Variants in DGKB observed in about 807,000 individuals in gnomAD.
DGKB encodes the protein diacylglycerol kinase beta.
Under a neutral mutation model 114.3 loss-of-function variants are expected in DGKB, and 67 were observed. The ratio of observed to expected loss-of-function variants is 0.59; its 90% CI spans 0.48 to 0.72. DGKB has a LOEUF of 0.72. Among genes scored for constraint, DGKB ranks in the 30% least tolerant of loss-of-function variants. The probability of loss-of-function intolerance (pLI) is 0.00; values close to 1 mark genes in which losing one functional copy is unlikely to be tolerated. For missense variants in DGKB, 907 were observed against 975.2 expected (o/e 0.93, Z 0.93); for synonymous variants, 398 against 323.1 (o/e 1.23, Z -2.49).
At chr7:14,809,590 A>G (rs911688825) in intron 2 of DGKB, among the ~76,000 whole-genome samples, 2 of 152,160 alleles carry the variant, frequency 1.3e-5, no homozygotes, top group African/African-American at 4.8e-5. Context: ...TTATGAGTAA[A>G]GAACGCATAA....
intron 20 of DGKB, among the ~76,000 whole-genome samples, chr7:14,529,191 A>G (rs1791143984): frequency 2.0e-5 from 3 of 152,022 alleles, no homozygotes; most frequent in Non-Finnish European, 1.5e-5. Flanking sequence ...AGGAGATAAT[A>G]AAGAAGTTTC....
intron 20 of DGKB, among the ~76,000 whole-genome samples, chr7:14,559,913 T>C (rs1796403775): frequency 6.6e-6 from 1 of 151,858 alleles, no homozygotes; most frequent in Admixed American, 6.6e-5. Flanking sequence ...TTCTTTTGTT[T>C]CTCCTTCCTT....
intron 1 of DGKB, among the ~76,000 whole-genome samples, chr7:14,925,968 G>T (rs1054380312): frequency 4.6e-5 from 7 of 152,066 alleles, no homozygotes; most frequent in African/African-American, 1.7e-4. Flanking sequence ...AGAGAGAACA[G>T]AAATCCTTGC....
chr7:14,966,896 A>C (rs2115292224), intron 1 of DGKB, among the ~76,000 whole-genome samples: 1 of 152,330 alleles, frequency 6.6e-6, no homozygotes, highest in Non-Finnish European at 1.5e-5. Flanking sequence ...AAATAAAAAT[A>C]AAATAATGCA....
At chr7:14,906,633 A>G (rs1045037352), upstream of DGKB, among the ~76,000 whole-genome samples, 1 of 151,812 alleles carries the variant, frequency 6.6e-6, no homozygotes, top group African/African-American at 2.4e-5. Context: ...TTTGTATTTT[A>G]GTGGAGACAG....
intron 16 of DGKB, among the ~76,000 whole-genome samples, chr7:14,608,563 T>G (rs569874277): frequency 6.6e-6 from 1 of 151,964 alleles, no homozygotes; most frequent in Non-Finnish European, 1.5e-5. Context: ...CTATTCAACA[T>G]AGTTCTGGAA....
chr7:14,943,432 A>G (rs1301484874), intron 1 of DGKB, among the ~76,000 whole-genome samples: 1 of 151,980 alleles, frequency 6.6e-6, no homozygotes, highest in African/African-American at 2.4e-5. Context: ...TTGAATAGAC[A>G]CATTTTGTGT....
At position 14,350,599 on chromosome 7, in the gene DGKB, A is replaced by G. The variant is rs544385251; in HGVS notation, c.1836-5208T>C. Reference sequence around the variant, plus strand: ...CTTAGTGAAACTACTCTGAGAGGTCATATTTTTATTTTACAGGTGCATTTG... The same window carrying G: ...CTTAGTGAAACTACTCTGAGAGGTCGTATTTTTATTTTACAGGTGCATTTG... On this transcript the variant is annotated intron_variant, in intron 21 of 25. Coordinates refer to ENST00000402815, the MANE Select transcript of DGKB (RefSeq NM_001350709.2). Among the ~76,000 whole-genome samples the G allele has an allele frequency of 5.6e-4, 85 of 151,956 alleles. 1 individual carries two copies. The highest frequency in any genetic ancestry group is 9.0e-4 in the Non-Finnish European group (61 of 67,960).
Position 14,152,547 on chromosome 7 carries a change from G to C in DGKB, c.2305-3309C>G, listed in dbSNP as rs1358369835. 2.6e-5 allele frequency among the ~76,000 whole-genome samples: 4 copies of C among 151,970 alleles called. 2 individuals carry two copies. The highest frequency in any genetic ancestry group is 2.6e-4 in the Admixed American group (4 of 15,224). On this transcript the variant is annotated intron_variant, in intron 25 of 25. Coordinates refer to ENST00000402815, the MANE Select transcript of DGKB (RefSeq NM_001350709.2). ...CTTCTCCTTATCATGTACCCTTCTA[G>C]AAAAGCAACAGTGGCAGAGAAAGGT...
intron 2 of DGKB, among the ~76,000 whole-genome samples, chr7:14,790,199 T>G (rs1840470427): frequency 6.6e-6 from 1 of 152,196 alleles, no homozygotes; most frequent in Non-Finnish European, 1.5e-5. Context: ...GCTAGTCCTG[T>G]GATTTATATG....
At chr7:14,963,232 C>A (rs923353869) in intron 1 of DGKB, among the ~76,000 whole-genome samples, 1 of 152,006 alleles carries the variant, frequency 6.6e-6, no homozygotes, top group Non-Finnish European at 1.5e-5. Flanking sequence ...AAAAGGAGAA[C>A]CTTATATAAA....
intron 17 of DGKB, among the ~76,000 whole-genome samples, chr7:14,599,848 G>C (rs1460344248): frequency 1.3e-5 from 2 of 151,994 alleles, no homozygotes; most frequent in Non-Finnish European, 2.9e-5. Context: ...TGGGGCTGGA[G>C]GTGAATTTGA....
intron 1 of DGKB, among the ~76,000 whole-genome samples, chr7:14,853,012 T>A (rs1849613820): frequency 6.6e-6 from 1 of 152,186 alleles, no homozygotes; most frequent in Non-Finnish European, 1.5e-5. Context: ...TAACGAGCAC[T>A]TCCTGGAAAC....
chr7:14,247,366 C>A (rs891335339), intron 23 of DGKB, among the ~76,000 whole-genome samples: 8 of 151,986 alleles, frequency 5.3e-5, no homozygotes, highest in Non-Finnish European at 1.2e-4. Context: ...TTATATGTAC[C>A]CAGCATTTAG....
chr7:14,177,449 G>C (rs183848450), intron 24 of DGKB, among the ~76,000 whole-genome samples: 1 of 151,066 alleles, frequency 6.6e-6, no homozygotes, highest in Non-Finnish European at 1.5e-5. Context: ...CCAGATACTC[G>C]GGAGGATGAG....
At chr7:14,538,600 C>G (rs1584671510) in intron 20 of DGKB, among the ~76,000 whole-genome samples, 1 of 152,022 alleles carries the variant, frequency 6.6e-6, no homozygotes, top group African/African-American at 2.4e-5. Context: ...AAAAATTGAA[C>G]TACCATATGT....
At chr7:14,745,467 T>G (rs1183735155) in intron 4 of DGKB, among the ~76,000 whole-genome samples, 2 of 151,936 alleles carry the variant, frequency 1.3e-5, no homozygotes, top group African/African-American at 4.8e-5. Flanking sequence ...TAAAGGAGGG[T>G]CCACAGAGAA....
intron 1 of DGKB, among the ~76,000 whole-genome samples, chr7:14,894,312 A>G (rs1176430421): frequency 6.6e-6 from 1 of 151,350 alleles, no homozygotes; most frequent in Non-Finnish European, 1.5e-5. Flanking sequence ...CATAGTTTGA[A>G]TTTTAACTCA....
At chr7:14,174,217 A>C (rs1781402652) in intron 25 of DGKB, among the ~76,000 whole-genome samples, 1 of 152,208 alleles carries the variant, frequency 6.6e-6, no homozygotes, top group African/African-American at 2.4e-5. Context: ...AAGCGTGCAG[A>C]TGCTGGAGTC....
Sources: gnomAD v4.1 joint callset for allele counts (sites outside exome capture counted in the v4.1 genomes callset) on GRCh38, gnomAD v4.1.1 for gene constraint, MANE v1.5 for transcripts, NCBI Gene and HGNC (gene_info 2026-07-23, HGNC 2026-07-21) for gene names.